The following UST variants were observed in gnomAD, a reference collection of about 807,000 sequenced individuals.
UST encodes chondroitin sulfate 2-O-sulfotransferase.
UST carries 21 observed loss-of-function variants against 45.6 expected under a neutral mutation model. The observed-to-expected ratio is 0.46, with a 90% CI of 0.33 to 0.66. The LOEUF (loss-of-function observed/expected upper bound fraction) is 0.66, where lower values mean the gene tolerates loss of function less well. UST is among the 30% of genes least tolerant of loss of function. UST has a pLI of 0.02. For synonymous variants in UST, 215 were observed against 200.6 expected (o/e 1.07, Z -0.61); for missense variants, 463 against 512.4 (o/e 0.90, Z 0.93).
chr6:148,974,927 A>G (rs1759901162), intron 5 of UST, among the ~76,000 whole-genome samples: 1 of 152,210 alleles, frequency 6.6e-6, no homozygotes, highest in African/African-American at 2.4e-5. Context: ...CCCTCTGCAG[A>G]GCATTATTCA....
At chr6:149,010,190 G>A (rs111564380) in intron 5 of UST, among the ~76,000 whole-genome samples, 22 of 152,264 alleles carry the variant, frequency 1.4e-4, no homozygotes, top group African/African-American at 5.1e-4. Context: ...GAATTGGAAT[G>A]TAACTATGAT....
chr6:148,946,813 CAAAAAAAAAAAAAAA>C lies in UST; in HGVS notation c.447+5394_447+5408del, dbSNP rs60990121. Among the ~76,000 whole-genome samples the C allele has an allele frequency of 2.1e-4, 12 of 56,824 alleles. No individual in the cohort carries two copies. In the South Asian group the frequency reaches 2.4e-3, roughly 11 times the overall value. 37.3% of individuals were successfully genotyped at this position (56,824 alleles called of 152,430 possible). A position where few individuals can be genotyped will look rare whatever the true frequency, so the allele number is the denominator to read the frequency against. On this transcript the variant is annotated intron_variant, in intron 3 of 7. Coordinates refer to ENST00000367463, the MANE Select transcript of UST (RefSeq NM_005715.3). ...TGGGCGACAGAGCGAGACTCCATCC[CAAAAAAAAAAAAAAA>C]AAAAAAAAAAAAAAGGTGCACTCAT...
At chr6:148,964,827 C>T (rs113692641) in intron 5 of UST, 1 of 483,544 alleles carries the variant, frequency 2.1e-6, no homozygotes, top group Non-Finnish European at 3.7e-6. Flanking sequence ...GGACCCAGAG[C>T]GTTAACAGTC....
At chr6:148,959,678 T>G (rs1389962409) in intron 4 of UST, among the ~76,000 whole-genome samples, 1 of 152,224 alleles carries the variant, frequency 6.6e-6, no homozygotes, top group Non-Finnish European at 1.5e-5. Context: ...ATTTCATGCC[T>G]TGTCAATTCA....
rs11438263 is a variant in UST at position 148,901,555 on chromosome 6, CT to C, written c.291+14545del. On this transcript the variant is annotated intron_variant, in intron 2 of 7. Coordinates refer to ENST00000367463, the MANE Select transcript of UST (RefSeq NM_005715.3). ...TTCAGCCCAGAAGTGACCCGTGTCA[CT>C]TTTTTTTTTTTTTTTTTTGAGACAG... Among the ~76,000 whole-genome samples the C allele has an allele frequency of 8.5e-3, 1,103 of 130,314 alleles. 5 individuals are homozygous for C. The highest frequency in any genetic ancestry group is 0.024 in the African/African-American group (855 of 35,652). 85.5% of individuals were successfully genotyped at this position (130,314 alleles called of 152,430 possible).
At chr6:148,970,556 A>C (rs1780894812) in intron 5 of UST, among the ~76,000 whole-genome samples, 1 of 152,202 alleles carries the variant, frequency 6.6e-6, no homozygotes, top group Non-Finnish European at 1.5e-5. Context: ...GCCACGGGGC[A>C]GGAGAACTGT....
intron 1 of UST, among the ~76,000 whole-genome samples, chr6:148,774,462 A>G (rs1776492235): frequency 6.6e-6 from 1 of 152,152 alleles, no homozygotes; most frequent in African/African-American, 2.4e-5. Context: ...AATCTTAATA[A>G]TAACTCAAAT....
intron 7 of UST, among the ~76,000 whole-genome samples, chr6:149,070,595 A>G (rs1776805185): frequency 6.6e-6 from 1 of 152,332 alleles, no homozygotes; most frequent in African/African-American, 2.4e-5. Context: ...TGTTGGCCAC[A>G]TAGAGAATTT....
chr6:148,783,810 T>C (rs1776686673), intron 1 of UST, among the ~76,000 whole-genome samples: 1 of 152,136 alleles, frequency 6.6e-6, no homozygotes, highest in African/African-American at 2.4e-5. Context: ...AGTAGTAAGG[T>C]TCCCCTGTGC....
chr6:148,923,545 C>G (rs921629596), intron 2 of UST, among the ~76,000 whole-genome samples: 1 of 152,178 alleles, frequency 6.6e-6, no homozygotes, highest in Non-Finnish European at 1.5e-5. Flanking sequence ...TTAGCATGTT[C>G]TGTGTTTCAG....
intron 1 of UST, among the ~76,000 whole-genome samples, chr6:148,808,295 A>G (rs1437140329): frequency 6.6e-6 from 1 of 152,210 alleles, no homozygotes; most frequent in Non-Finnish European, 1.5e-5. Context: ...AGCAAGAGCA[A>G]CAGACACCCT....
chr6:148,809,819 C>G (rs1238714847), intron 1 of UST, among the ~76,000 whole-genome samples: 1 of 152,190 alleles, frequency 6.6e-6, no homozygotes. Context: ...ACATGTACTG[C>G]CTTGTGGCAT....
intron 4 of UST, among the ~76,000 whole-genome samples, chr6:148,957,515 T>C (rs1780540685): frequency 6.6e-6 from 1 of 152,170 alleles, no homozygotes. Flanking sequence ...CAATCTCAGC[T>C]CACTGTAACC....
At chr6:148,973,216 C>T (rs1780953883) in intron 5 of UST, among the ~76,000 whole-genome samples, 1 of 152,142 alleles carries the variant, frequency 6.6e-6, no homozygotes, top group African/African-American at 2.4e-5. Flanking sequence ...AGACTTTCTT[C>T]TAAAGTTGAA....
rs1776896965 is a variant in UST at position 149,076,911 on chromosome 6, G to A, written c.*2795G>A. The A allele has an allele frequency of 1.3e-5, 2 of 151,598 alleles. No homozygotes were observed. The highest frequency in any genetic ancestry group is 1.5e-5 in the Non-Finnish European group (1 of 67,880). 9.4% of individuals were successfully genotyped at this position (151,598 alleles called of 1,614,324 possible). On this transcript the variant is annotated 3_prime_UTR_variant, in exon 8 of 8. Transcript: ENST00000367463. ...TTTTAAGAAGAAAGAAAAAAATGGTGTTTGACGTTGATGGAAATTCAAAAA... is the reference window on the plus strand; with the variant it reads ...TTTTAAGAAGAAAGAAAAAAATGGTATTTGACGTTGATGGAAATTCAAAAA...
At chr6:148,814,804 C>G (rs1486628753) in intron 1 of UST, among the ~76,000 whole-genome samples, 3 of 152,148 alleles carry the variant, frequency 2.0e-5, no homozygotes, top group Non-Finnish European at 4.4e-5. Flanking sequence ...TAACATATCT[C>G]TTCAGGGTGA....
At chr6:148,763,136 C>T (rs1415802610) in intron 1 of UST, among the ~76,000 whole-genome samples, 1 of 152,146 alleles carries the variant, frequency 6.6e-6, no homozygotes, top group Non-Finnish European at 1.5e-5. Flanking sequence ...TGTACATGTT[C>T]CCATTTCTCC....
At chr6:148,860,773 G>A (rs138919110) in intron 1 of UST, among the ~76,000 whole-genome samples, 1 of 152,150 alleles carries the variant, frequency 6.6e-6, no homozygotes, top group Admixed American at 6.5e-5. Flanking sequence ...TTTGTCATTG[G>A]TTCTGTTTAT....
chr6:148,777,961 T>C (rs926783065), intron 1 of UST, among the ~76,000 whole-genome samples: 3 of 152,198 alleles, frequency 2.0e-5, no homozygotes, highest in Non-Finnish European at 4.4e-5. Flanking sequence ...CAATAGGCTA[T>C]ACCATCTAGC....
Sources: allele counts gnomAD v4.1 joint callset (sites outside exome capture counted in the v4.1 genomes callset), GRCh38; gene constraint gnomAD v4.1.1; transcripts MANE v1.5; gene names NCBI Gene and HGNC (gene_info 2026-07-23, HGNC 2026-07-21).